ARHGAP17: variants seen among roughly 807,000 people sequenced by gnomAD.
The protein encoded by ARHGAP17 is Rho GTPase activating protein 17.
In ARHGAP17, 57 loss-of-function variants were observed where a neutral mutation model predicts 99.5. The ratio of observed to expected loss-of-function variants is 0.57; its 90% CI spans 0.46 to 0.71. ARHGAP17 has a LOEUF of 0.71. ARHGAP17 is among the 30% of genes least tolerant of loss of function. The pLI is 0.00. For missense variants in ARHGAP17, 1,000 were observed against 1,122.4 expected, an observed-to-expected ratio of 0.89 and a Z score of 1.56; for synonymous variants, 417 against 429.6, an observed-to-expected ratio of 0.97 and a Z score of 0.36.
intron 2 of ARHGAP17, 41 bp downstream of exon 2, chr16:24,978,925 T>C (rs1456821962): frequency 2.9e-6 from 4 of 1,395,902 alleles, no homozygotes; most frequent in South Asian, 2.7e-5. Context: ...TTTTTTTCCA[T>C]CCTTTAAACA....
intron 19 of ARHGAP17, among the ~76,000 whole-genome samples, chr16:24,925,264 A>G (rs1188942827): frequency 6.6e-6 from 1 of 152,198 alleles, no homozygotes; most frequent in Non-Finnish European, 1.5e-5. Context: ...CTATAATCCC[A>G]GCTACTTGGG....
At chr16:24,947,449 G>C (rs751874864) in intron 14 of ARHGAP17, 33 bp downstream of exon 14, 3 of 1,570,478 alleles carry the variant, frequency 1.9e-6, no homozygotes, top group South Asian at 2.2e-5. Flanking sequence ...TGGGAAAGAA[G>C]AAATTCAAAT....
chr16:24,920,187 G>T lies in ARHGAP17; in HGVS notation c.2589C>A (p.Asp863Glu), dbSNP rs142261902. Residue 863 changes from aspartate (D) to glutamate (E), a missense_variant, in exon 20 of 20, where the codon GAC becomes GAA. By Grantham distance (45) the Asp-to-Glu change is conservative. This residue lies in a region of ARHGAP17 where 528 missense variants were observed against 511.4 expected (regional missense o/e 1.03). Coordinates refer to ENST00000289968, the MANE Select transcript of ARHGAP17 (RefSeq NM_001006634.3). ...PEMHSDSASK[D>E]VPGRILLDID... Reference sequence around the variant, plus strand: ...TATCCAGCAGGATGCGGCCAGGCACGTCTTTGCTGGCTGAGTCTGAGTGCA... The same window carrying T: ...TATCCAGCAGGATGCGGCCAGGCACTTCTTTGCTGGCTGAGTCTGAGTGCA... The T allele has an allele frequency of 6.2e-7, 1 of 1,614,060 alleles. No individual in the cohort carries two copies. The highest frequency in any genetic ancestry group is 8.5e-7 in the Non-Finnish European group (1 of 1,180,028).
At chr16:24,935,002 G>A (rs185822689) in intron 18 of ARHGAP17, among the ~76,000 whole-genome samples, 53 of 152,302 alleles carry the variant, frequency 3.5e-4, no homozygotes, top group African/African-American at 1.3e-3. Flanking sequence ...GAGACGACAT[G>A]ATCTGCTTGG....
chr16:25,007,625 C>T (rs1267024685), intron 1 of ARHGAP17, among the ~76,000 whole-genome samples: 4 of 152,160 alleles, frequency 2.6e-5, no homozygotes, highest in African/African-American at 4.8e-5. Context: ...CTCAGCCTCC[C>T]AAAATGCTGA....
intron 1 of ARHGAP17, among the ~76,000 whole-genome samples, chr16:24,980,213 A>G (rs539165761): frequency 1.8e-4 from 27 of 152,316 alleles, no homozygotes; most frequent in Middle Eastern, 3.4e-3. Flanking sequence ...TGCTAAGCTC[A>G]GAGTAGTGCC....
Position 24,920,049 on chromosome 16 carries a change from C to T in ARHGAP17, c.*81G>A, listed in dbSNP as rs1182566564. On this transcript the variant is annotated 3_prime_UTR_variant, in exon 20 of 20. Transcript: ENST00000289968. ...CCTCCACTGAAAGCTTTTCACTGTTCGGTCTGCAAAGAAAGAGGTTCGCCT... is the reference window on the plus strand; with the variant it reads ...CCTCCACTGAAAGCTTTTCACTGTTTGGTCTGCAAAGAAAGAGGTTCGCCT... 26 of 1,555,596 alleles carry T rather than the reference C, an allele frequency of 1.7e-5. No individual in the cohort carries two copies. Among genetic ancestry groups the T allele is most frequent in the Middle Eastern group, 2.3e-4 (1 of 4,300 alleles).
intron 1 of ARHGAP17, among the ~76,000 whole-genome samples, chr16:24,981,291 C>T (rs752411974): frequency 5.3e-5 from 8 of 151,788 alleles, no homozygotes; most frequent in African/African-American, 1.2e-4. Flanking sequence ...AACATAAAAA[C>T]GAGGCAAGTA....
At chr16:25,009,430 A>G (rs948083767) in intron 1 of ARHGAP17, among the ~76,000 whole-genome samples, 69 of 151,894 alleles carry the variant, frequency 4.5e-4, no homozygotes, top group African/African-American at 1.6e-3. Context: ...GGAAAAGGAC[A>G]CAGTGGAGTG....
At chr16:24,983,697 G>A (rs2052771237) in intron 1 of ARHGAP17, among the ~76,000 whole-genome samples, 1 of 152,054 alleles carries the variant, frequency 6.6e-6, no homozygotes, top group Non-Finnish European at 1.5e-5. Flanking sequence ...AACGTTCTGG[G>A]CTTGAAAACA....
rs558407763 is a variant in ARHGAP17 at position 25,007,450 on chromosome 16, C to T, written c.53+7759G>A. ...GCAGGATCACAGTTCACTGCAGCCTCGACCTCCCAGGCTCAAGCGATCCTC... is the reference window on the plus strand; with the variant it reads ...GCAGGATCACAGTTCACTGCAGCCTTGACCTCCCAGGCTCAAGCGATCCTC... On this transcript the variant is annotated intron_variant, in intron 1 of 19. Transcript: ENST00000289968. Among the ~76,000 whole-genome samples, 22 of 152,284 alleles carry T rather than the reference C, an allele frequency of 1.4e-4. No homozygotes were observed. In the South Asian group the frequency reaches 2.1e-3, roughly 14 times the overall value.
intron 12 of ARHGAP17, among the ~76,000 whole-genome samples, chr16:24,951,700 A>G (rs967755963): frequency 2.6e-5 from 4 of 152,226 alleles, no homozygotes; most frequent in African/African-American, 9.6e-5. Context: ...TTTTCTTAAT[A>G]GTACTTTTTC....
intron 10 of ARHGAP17, among the ~76,000 whole-genome samples, chr16:24,953,760 G>A (rs1211191809): frequency 1.3e-5 from 2 of 152,128 alleles, no homozygotes; most frequent in East Asian, 1.9e-4. Context: ...ACTACTAGAT[G>A]ACAGTAACAC....
At chr16:24,990,748 GA>G (rs1442786241) in intron 1 of ARHGAP17, among the ~76,000 whole-genome samples, 6 of 147,586 alleles carry the variant, frequency 4.1e-5, no homozygotes, top group Non-Finnish European at 5.9e-5. Flanking sequence ...AAATGAATTA[GA>G]ACCTCTGGAG....
At position 25,002,499 on chromosome 16, in the gene ARHGAP17, G is replaced by A. The variant is rs190611494; in HGVS notation, c.53+12710C>T. On this transcript the variant is annotated intron_variant, in intron 1 of 19. Coordinates refer to ENST00000289968, the MANE Select transcript of ARHGAP17 (RefSeq NM_001006634.3). ...GCACCAACTTTCTCAACCTTTTGCC[G>A]AAAAGAGTTCCCCAAGTTCTACCAC... Among the ~76,000 whole-genome samples, 1,355 of 152,184 alleles carry A rather than the reference G, an allele frequency of 8.9e-3. 81 individuals carry two copies. The highest frequency in any genetic ancestry group is 0.078 in the Admixed American group (1,195 of 15,274).
chr16:24,959,216 T>C (rs1228144831), intron 9 of ARHGAP17, among the ~76,000 whole-genome samples: 2 of 152,216 alleles, frequency 1.3e-5, no homozygotes, highest in South Asian at 2.1e-4. Flanking sequence ...ATCACACTTA[T>C]TATTAAGTGT....
intron 7 of ARHGAP17, among the ~76,000 whole-genome samples, chr16:24,960,939 T>C (rs537988571): frequency 8.7e-4 from 132 of 152,250 alleles, no homozygotes; most frequent in Non-Finnish European, 1.7e-3. Flanking sequence ...TGGCACAATC[T>C]TGGCTCACTG....
At chr16:24,958,794 C>T (rs9921994) in intron 9 of ARHGAP17, among the ~76,000 whole-genome samples, 4,852 of 152,226 alleles carry the variant, frequency 0.032, 271 homozygotes, top group African/African-American at 0.11. Context: ...CTCAAAATCA[C>T]AAAGTCATCC....
chr16:24,929,158 T>A (rs1401943290), intron 19 of ARHGAP17, among the ~76,000 whole-genome samples: 1 of 151,554 alleles, frequency 6.6e-6, no homozygotes, highest in Non-Finnish European at 1.5e-5. Flanking sequence ...ATATTCCTTT[T>A]TTTTTTTTTT....
Sources: gnomAD v4.1 joint callset for allele counts (sites outside exome capture counted in the v4.1 genomes callset) on GRCh38, gnomAD v4.1.1 for gene constraint, gnomAD v4.1.1 regional missense constraint, MANE v1.5 for transcripts, NCBI Gene and HGNC (gene_info 2026-07-23, HGNC 2026-07-21) for gene names.